Variants in PSAP observed in about 807,000 individuals in gnomAD.
PSAP encodes prosaposin.
A neutral mutation model predicts 66.0 loss-of-function variants in PSAP; 25 were observed. The ratio of observed to expected loss-of-function variants is 0.38; its 90% CI spans 0.28 to 0.53. The LOEUF (loss-of-function observed/expected upper bound fraction) is 0.53, where lower values mean the gene tolerates loss of function less well. Among genes scored for constraint, PSAP ranks in the 20% least tolerant of loss-of-function variants. The pLI is 0.83. For missense variants in PSAP, 649 were observed against 668.8 expected (o/e 0.97, Z 0.33); for synonymous variants, 273 against 258.9 (o/e 1.05, Z -0.52).
chr10:71,837,542 C>A (rs563903188), intron 1 of PSAP, among the ~76,000 whole-genome samples: 1 of 152,356 alleles, frequency 6.6e-6, no homozygotes, highest in African/African-American at 2.4e-5. Context: ...TTTTTCTCCA[C>A]ACAAGCAGGT....
intron 1 of PSAP, among the ~76,000 whole-genome samples, chr10:71,846,551 C>G (rs946843130): frequency 6.6e-6 from 1 of 151,616 alleles, no homozygotes; most frequent in Non-Finnish European, 1.5e-5. Context: ...ATGGCAAAAC[C>G]CTTTCTCTAC....
chr10:71,817,952 C>G (rs1391992282), intron 13 of PSAP, among the ~76,000 whole-genome samples: 1 of 152,236 alleles, frequency 6.6e-6, no homozygotes, highest in East Asian at 1.9e-4. Flanking sequence ...GAGGAAAGAG[C>G]TGGACATGGC....
In PSAP at chr10:71,816,962, A is replaced by T. The variant is rs1391571464; in HGVS notation, c.*479T>A. 9.5e-6 allele frequency: 2 copies of T among 210,298 alleles called. No homozygotes were observed. Among genetic ancestry groups the T allele is most frequent in the Non-Finnish European group, 2.0e-5 (2 of 102,016 alleles). 13.0% of individuals were successfully genotyped at this position (210,298 alleles called of 1,614,324 possible). ...TTCCAGGCTTCTAATCTTTCATATAAAACTGCCTTTGTTTTGCTGCTTTGT... is the reference window on the plus strand; with the variant it reads ...TTCCAGGCTTCTAATCTTTCATATATAACTGCCTTTGTTTTGCTGCTTTGT... On this transcript the variant is annotated 3_prime_UTR_variant, in exon 14 of 14. Transcript: ENST00000394936.
At chr10:71,831,770 C>A (rs548462790) in intron 3 of PSAP, 76 bp downstream of exon 3, 4 of 1,424,124 alleles carry the variant, frequency 2.8e-6, no homozygotes, top group African/African-American at 1.4e-5. Flanking sequence ...TCTTTAGACA[C>A]CCGGAATCAC....
At chr10:71,847,722 C>T (rs1401766701) in intron 1 of PSAP, among the ~76,000 whole-genome samples, 1 of 151,262 alleles carries the variant, frequency 6.6e-6, no homozygotes, top group African/African-American at 2.4e-5. Context: ...TTTGTTAAAA[C>T]AAACCCTTCT....
intron 12 of PSAP, 65 bp downstream of exon 12, chr10:71,818,966 C>G: frequency 6.8e-7 from 1 of 1,469,034 alleles, no homozygotes; most frequent in Non-Finnish European, 9.5e-7. Context: ...AGCAACCCTT[C>G]CGGGTCTCTG....
At chr10:71,824,160 G>A (rs2133038356) in intron 7 of PSAP, among the ~76,000 whole-genome samples, 1 of 151,866 alleles carries the variant, frequency 6.6e-6, no homozygotes, top group South Asian at 2.1e-4. Context: ...ACCATCTCCA[G>A]GTCTTACACA....
intron 2 of PSAP, among the ~76,000 whole-genome samples, chr10:71,832,601 A>T (rs1842542070): frequency 6.6e-6 from 1 of 152,162 alleles, no homozygotes; most frequent in East Asian, 1.9e-4. Flanking sequence ...TCAGGCTAAT[A>T]CAGTCATCCT....
chr10:71,850,894 A>C lies in PSAP; in HGVS notation c.40+288T>G, dbSNP rs923861770. On this transcript the variant is annotated intron_variant, in intron 1 of 13. Coordinates refer to ENST00000394936, the MANE Select transcript of PSAP (RefSeq NM_002778.4). ...CCCCCACAGTGGGAAGCGCAGCCTG[A>C]GGGAAGGCCTCGGGGCCCCAGCCGC... Among the ~76,000 whole-genome samples the C allele has an allele frequency of 2.0e-5, 3 of 152,196 alleles. No homozygotes were observed. The East Asian group carries it at 5.8e-4, about 29-fold the overall frequency.
intron 6 of PSAP, 59 bp from the exon 7 acceptor site, chr10:71,825,952 C>A: frequency 7.0e-7 from 1 of 1,421,592 alleles, no homozygotes; most frequent in Non-Finnish European, 9.9e-7. Flanking sequence ...CAAAACCCAA[C>A]CAACAAAAAC....
chr10:71,842,778 G>C (rs1346920073), intron 1 of PSAP, among the ~76,000 whole-genome samples: 1 of 152,118 alleles, frequency 6.6e-6, no homozygotes, highest in African/African-American at 2.4e-5. Flanking sequence ...TATTATAAAA[G>C]TCAACACTTC....
intron 1 of PSAP, among the ~76,000 whole-genome samples, chr10:71,848,815 A>C (rs1268640453): frequency 6.6e-6 from 1 of 152,262 alleles, no homozygotes; most frequent in Non-Finnish European, 1.5e-5. Flanking sequence ...TGTGAAGGCC[A>C]GGGAGCATTC....
rs968500469 is a variant in PSAP at position 71,816,508 on chromosome 10, C to G, written c.*933G>C. 6.5e-6 allele frequency: 3 copies of G among 463,894 alleles called. No individual in the cohort carries two copies. The highest frequency in any genetic ancestry group is 9.1e-6 in the Non-Finnish European group (2 of 220,956). 28.7% of individuals were successfully genotyped at this position (463,894 alleles called of 1,614,324 possible). On this transcript the variant is annotated 3_prime_UTR_variant, in exon 14 of 14. Transcript: ENST00000394936. ...TCCAATCCACACCCAGCAGACCCTT[C>G]GGCATGCCGCCCTCTACCAGGAAGC... is the stretch of plus-strand genomic sequence containing the variant.
At chr10:71,827,708 C>A (rs917880235) in intron 6 of PSAP, among the ~76,000 whole-genome samples, 13 of 132,086 alleles carry the variant, frequency 9.8e-5, no homozygotes, top group Non-Finnish European at 7.9e-5. Flanking sequence ...GCCTGGGCAA[C>A]AGAGCAACAC....
chr10:71,842,328 TTG>T (rs1564825934), intron 1 of PSAP, among the ~76,000 whole-genome samples: 3 of 152,230 alleles, frequency 2.0e-5, no homozygotes, highest in Admixed American at 6.5e-5. Context: ...CACTAAATAT[TTG>T]TGTTTTGGAA....
chr10:71,851,012 A>C, intron 1 of PSAP, among the ~76,000 whole-genome samples, 170 bp downstream of exon 1: 1 of 152,084 alleles, frequency 6.6e-6, no homozygotes. Context: ...CGCAGCCCCC[A>C]GCCGCCCAGA....
chr10:71,834,811 T>C (rs1842590423), intron 1 of PSAP, among the ~76,000 whole-genome samples: 1 of 152,228 alleles, frequency 6.6e-6, no homozygotes, highest in Non-Finnish European at 1.5e-5. Context: ...TAATAAGGTA[T>C]CATCATAACC....
At chr10:71,850,155 G>A (rs1842900558) in intron 1 of PSAP, among the ~76,000 whole-genome samples, 1 of 152,072 alleles carries the variant, frequency 6.6e-6, no homozygotes, top group East Asian at 1.9e-4. Context: ...ACATTCTATA[G>A]AGAATCCCCT....
rs535525554 is a variant in PSAP, at chr10:71,834,434, T to C, written c.112A>G (p.Thr38Ala). ...GSAVWCQNVK[T>A]ASDCGAVKHC... ...TTCACTGCCCCGCAGTCGGACGCCG[T>C]CTTCACATTCTGGCACCACACTGCC... The change falls in exon 2 of 14, where the codon ACG becomes GCG. Residue 38 changes from threonine to alanine, a missense_variant. By Grantham distance (58) the Thr-to-Ala change is moderately conservative. Coordinates refer to ENST00000394936, the MANE Select transcript of PSAP (RefSeq NM_002778.4). 9.9e-6 allele frequency: 16 copies of C among 1,613,982 alleles called. 1 individual carries two copies. Among genetic ancestry groups the C allele is most frequent in the South Asian group, 4.4e-5 (4 of 91,048 alleles).
Sources: gnomAD v4.1 joint callset for allele counts (sites outside exome capture counted in the v4.1 genomes callset) on GRCh38, gnomAD v4.1.1 for gene constraint, MANE v1.5 for transcripts, NCBI Gene and HGNC (gene_info 2026-07-23, HGNC 2026-07-21) for gene names.